The following SHANK2 variants were observed in gnomAD, a reference collection of about 807,000 sequenced individuals.
SHANK2 encodes the protein SH3 and multiple ankyrin repeat domains 2.
Under a neutral mutation model 133.7 loss-of-function variants are expected in SHANK2, and 43 were observed. The observed-to-expected ratio is 0.32, with a 90% CI of 0.25 to 0.41. The LOEUF (loss-of-function observed/expected upper bound fraction) is 0.41. SHANK2 is among the 10% of genes least tolerant of loss of function. The probability of loss-of-function intolerance (pLI) is 1.00; values close to 1 mark genes in which losing one functional copy is unlikely to be tolerated. For synonymous variants in SHANK2, 1,017 were observed against 952.8 expected, an observed-to-expected ratio of 1.07 and a Z score of -1.24; for missense variants, 1,994 against 2,235.8, an observed-to-expected ratio of 0.89 and a Z score of 2.18.
intron 9 of SHANK2, among the ~76,000 whole-genome samples, chr11:71,066,797 C>G (rs1271358481): frequency 6.6e-6 from 1 of 152,154 alleles, no homozygotes; most frequent in Middle Eastern, 3.2e-3. Flanking sequence ...GTCATTGGGA[C>G]AGGGCTGGAA....
intron 14 of SHANK2, among the ~76,000 whole-genome samples, chr11:70,754,061 C>T (rs760659001): frequency 6.6e-6 from 1 of 152,216 alleles, no homozygotes; most frequent in Non-Finnish European, 1.5e-5. Context: ...ATCCACCCAC[C>T]TCGGCCTCCC....
chr11:70,932,057 G>T (rs938163153), intron 10 of SHANK2, among the ~76,000 whole-genome samples: 8 of 152,046 alleles, frequency 5.3e-5, no homozygotes, highest in African/African-American at 1.4e-4. Context: ...TCTATGATAC[G>T]GTATCTTCCA....
chr11:70,623,285 G>C (rs1554998620), intron 17 of SHANK2, among the ~76,000 whole-genome samples: 1 of 151,836 alleles, frequency 6.6e-6, no homozygotes, highest in African/African-American at 2.4e-5. Flanking sequence ...TCCCCGGGCG[G>C]TTTTTGCCTC....
intron 3 of SHANK2, among the ~76,000 whole-genome samples, chr11:71,120,558 G>T (rs1555101285): frequency 6.6e-6 from 1 of 152,170 alleles, no homozygotes; most frequent in Non-Finnish European, 1.5e-5. Flanking sequence ...CAGGAAACCT[G>T]ACCCTGTGCA....
At chr11:70,651,829 T>C (rs1370535392) in intron 17 of SHANK2, among the ~76,000 whole-genome samples, 3 of 152,230 alleles carry the variant, frequency 2.0e-5, no homozygotes, top group Non-Finnish European at 2.9e-5. Context: ...AGCTGGTGTT[T>C]GGTCTTTAAC....
rs116017081 is a variant in SHANK2 at position 70,834,787 on chromosome 11, T to A, written c.1175-14105A>T. On this transcript the variant is annotated intron_variant, in intron 11 of 25. Transcript: ENST00000601538. Reference sequence around the variant, plus strand: ...GTAACGTTCCCGTCACTGGAGTCATTGAGGGAAGCTTTGCTCCTGCAGGAT... The same window carrying A: ...GTAACGTTCCCGTCACTGGAGTCATAGAGGGAAGCTTTGCTCCTGCAGGAT... 7.9e-3 allele frequency among the ~76,000 whole-genome samples: 1,198 copies of A among 152,180 alleles called. 21 individuals carry two copies. Among genetic ancestry groups the A allele is most frequent in the African/African-American group, 0.027 (1,117 of 41,516 alleles).
chr11:71,219,850 A>T (rs563233799), intron 2 of SHANK2, among the ~76,000 whole-genome samples: 1 of 152,184 alleles, frequency 6.6e-6, no homozygotes, highest in South Asian at 2.1e-4. Context: ...GTGAGCTGAG[A>T]TCACACCATT....
At chr11:70,692,474 G>A (rs1555021267) in intron 15 of SHANK2, among the ~76,000 whole-genome samples, 1 of 152,252 alleles carries the variant, frequency 6.6e-6, no homozygotes. Context: ...ACCCAAGGTT[G>A]CATAGTGACT....
At chr11:70,508,149 A>G (rs2059158024) in intron 17 of SHANK2, among the ~76,000 whole-genome samples, 1 of 152,230 alleles carries the variant, frequency 6.6e-6, no homozygotes, top group Non-Finnish European at 1.5e-5. Flanking sequence ...CTCTGACCTC[A>G]GGCAATGAGA....
In SHANK2 at chr11:71,188,055, G is replaced by A. The variant is rs1027327726; in HGVS notation, c.-13+36642C>T. Among the ~76,000 whole-genome samples, 4 of 152,112 alleles carry A rather than the reference G, an allele frequency of 2.6e-5. No homozygotes were observed. The highest frequency in any genetic ancestry group is 5.9e-5 in the Non-Finnish European group (4 of 68,024). On this transcript the variant is annotated intron_variant, in intron 2 of 25. Transcript: ENST00000601538. The surrounding 1 kb of genome is among the most constrained non-coding windows in gnomAD (Gnocchi z 4.6). ...CGAAACTGAGGTAGGCTAACCTGGC[G>A]GGTCAAAGGTCAGACCCCACACAGT...
chr11:70,732,681 C>CCAGCCCATGCCCACG (rs1298073710), intron 14 of SHANK2, among the ~76,000 whole-genome samples: 4 of 152,230 alleles, frequency 2.6e-5, no homozygotes, highest in African/African-American at 4.8e-5. Flanking sequence ...CTGCAGTGCC[C>CCAGCCCATGCCCACG]CAGCCCATGC....
rs11607833 is a variant in SHANK2 at position 70,714,870 on chromosome 11, A to G, written c.1778-16107T>C. ...GCCCAGGCTGGAGTACAGCAGTGCAATCATAGCTCACTGCAGCCTTGAACT... is the reference window on the plus strand; with the variant it reads ...GCCCAGGCTGGAGTACAGCAGTGCAGTCATAGCTCACTGCAGCCTTGAACT... On this transcript the variant is annotated intron_variant, in intron 14 of 25. Transcript: ENST00000601538. 2.6e-5 allele frequency among the ~76,000 whole-genome samples: 4 copies of G among 151,894 alleles called. No homozygotes were observed. The East Asian group carries it at 7.7e-4, about 29-fold the overall frequency.
intron 2 of SHANK2, among the ~76,000 whole-genome samples, chr11:71,191,724 A>G (rs1240881487): frequency 6.6e-6 from 1 of 151,424 alleles, no homozygotes; most frequent in African/African-American, 2.4e-5. Flanking sequence ...ACGCCTGGCT[A>G]CTTTTTGTAT....
intron 17 of SHANK2, chr11:70,566,737 A>G (rs2059973324): frequency 6.6e-6 from 1 of 152,192 alleles, no homozygotes; most frequent in South Asian, 2.1e-4. Flanking sequence ...GCTTGCACAG[A>G]TACTACCAGA....
chr11:71,108,949 C>T (rs1371297753), intron 6 of SHANK2, among the ~76,000 whole-genome samples: 1 of 152,168 alleles, frequency 6.6e-6, no homozygotes, highest in Non-Finnish European at 1.5e-5. Context: ...CCCCCCCCAG[C>T]GTTCAGAGGT....
In SHANK2 at chr11:70,824,703, TA is replaced by T. The variant is rs541144697; in HGVS notation, c.1175-4022del. ...GCCCTCCCTCTGGACCGGCAGAGAC[TA>T]AAAAAAACCTTGTAGATCACTGAGT... is the stretch of plus-strand genomic sequence containing the variant. On this transcript the variant is annotated intron_variant, in intron 11 of 25. Transcript: ENST00000601538. Among the ~76,000 whole-genome samples the T allele has an allele frequency of 2.6e-5, 4 of 152,006 alleles. No individual in the cohort carries two copies. The East Asian group carries it at 7.8e-4, about 29-fold the overall frequency.
In SHANK2 at chr11:71,210,227, TA is replaced by T. The variant is rs1565516645; in HGVS notation, c.-13+14469del. 5.9e-4 allele frequency among the ~76,000 whole-genome samples: 40 copies of T among 67,942 alleles called. 2 individuals carry two copies. The highest frequency in any genetic ancestry group is 4.9e-3 in the South Asian group (7 of 1,426). 44.6% of individuals were successfully genotyped at this position (67,942 alleles called of 152,430 possible). On this transcript the variant is annotated intron_variant, in intron 2 of 25. Coordinates refer to ENST00000601538, the MANE Select transcript of SHANK2 (RefSeq NM_012309.5). ...ATCCACAGGTATATATATATATATA[TA>T]TATATATATATATATATATATATAT...
At chr11:70,948,367 A>G in intron 10 of SHANK2, 1 of 457,314 alleles carries the variant, frequency 2.2e-6, no homozygotes, top group Non-Finnish European at 4.4e-6. Flanking sequence ...CCTAGAAGAC[A>G]GCGTGGCTCT....
Position 70,700,021 on chromosome 11 carries a change from C to A in SHANK2, c.1778-1258G>T, listed in dbSNP as rs1208982293. On this transcript the variant is annotated intron_variant, in intron 14 of 25. Transcript: ENST00000601538. ...CAGGCCTCTGAGACCCTGGGGTCAA[C>A]AGCTGGGTCTCTGTGCCCTGGACTC... Among the ~76,000 whole-genome samples the A allele has an allele frequency of 3.3e-5, 5 of 152,342 alleles. No homozygotes were observed. The South Asian group carries it at 1.0e-3, about 32-fold the overall frequency.
Sources: gnomAD v4.1 joint callset for allele counts (sites outside exome capture counted in the v4.1 genomes callset) on GRCh38, gnomAD v4.1.1 for gene constraint, Gnocchi (gnomAD v3.1) non-coding constraint, MANE v1.5 for transcripts, NCBI Gene and HGNC (gene_info 2026-07-23, HGNC 2026-07-21) for gene names.